The following ATP6V1C1 variants were observed in gnomAD, a reference collection of about 807,000 sequenced individuals.
ATP6V1C1 encodes V-type proton ATPase subunit C 1.
In ATP6V1C1, 45 loss-of-function variants were observed where a neutral mutation model predicts 53.9. The observed-to-expected ratio is 0.83, with a 90% CI of 0.66 to 1.07. The LOEUF is 1.07. ATP6V1C1 is among the 50% of genes least tolerant of loss of function. The probability of loss-of-function intolerance (pLI) is 0.00; values close to 1 mark genes in which losing one functional copy is unlikely to be tolerated. For synonymous variants in ATP6V1C1, 153 were observed against 155.2 expected (o/e 0.99, Z 0.11); for missense variants, 315 against 440.3 (o/e 0.72, Z 2.55).
chr8:103,065,084 C>T (rs1045728251), intron 11 of ATP6V1C1, among the ~76,000 whole-genome samples: 1 of 152,068 alleles, frequency 6.6e-6, no homozygotes, highest in African/African-American at 2.4e-5. Context: ...AAATATTAAC[C>T]AATATTTGTT....
rs1301843460 is a variant in ATP6V1C1, at chr8:103,062,977, A to G, written c.664A>G (p.Ser222Gly). 1.9e-6 allele frequency: 3 copies of G among 1,613,854 alleles called. No individual in the cohort carries two copies. Among genetic ancestry groups the G allele is most frequent in the Non-Finnish European group, 2.5e-6 (3 of 1,179,926 alleles). The change falls in exon 9 of 13, where the codon AGT (serine) becomes GGT (glycine). Residue 222 changes from serine to glycine, a missense_variant. By Grantham distance (56) the Ser-to-Gly change is moderately conservative (BLOSUM62 0). Coordinates refer to ENST00000518738, the MANE Select transcript of ATP6V1C1 (RefSeq NM_001695.5). Reference protein sequence around the residue: ...SSNVLSEDQDSYLCNVTLFRK... With the variant: ...SSNVLSEDQDGYLCNVTLFRK... ...TAGTGTTCTTTCAGAGGACCAAGAC[A>G]GTTACCTGTGTAATGTCACCTTGTT... is the stretch of plus-strand genomic sequence containing the variant.
intron 11 of ATP6V1C1, among the ~76,000 whole-genome samples, chr8:103,065,785 T>G (rs1471353168): frequency 6.6e-6 from 1 of 152,164 alleles, no homozygotes; most frequent in Non-Finnish European, 1.5e-5. Flanking sequence ...GGCTCATGCC[T>G]GTAGTCCCAG....
intron 1 of ATP6V1C1, among the ~76,000 whole-genome samples, chr8:103,022,893 TAA>T (rs1436059760): frequency 6.6e-6 from 1 of 151,676 alleles, no homozygotes; most frequent in Non-Finnish European, 1.5e-5. Context: ...CTACCAAAAA[TAA>T]AAAAATAACT....
rs183322249 is a variant in ATP6V1C1, at chr8:103,054,020, A to G, written c.572+38A>G. ...ATTATAAAAGGTTTTACTTGTTAAA[A>G]TACAAGAAAAATGTTAGTATCTAGT... On this transcript the variant is annotated intron_variant, in intron 7 of 12. Transcript: ENST00000518738. The G allele has an allele frequency of 1.4e-3, 2,101 of 1,506,860 alleles. 3 individuals are homozygous for G. The highest frequency in any genetic ancestry group is 1.5e-3 in the Non-Finnish European group (1,600 of 1,097,844). 93.3% of individuals were successfully genotyped at this position (1,506,860 alleles called of 1,614,324 possible).
chr8:103,051,190 C>A, intron 5 of ATP6V1C1, 46 bp downstream of exon 5: 2 of 1,359,636 alleles, frequency 1.5e-6, no homozygotes, highest in Non-Finnish European at 2.0e-6. Flanking sequence ...TTTGTAGTGG[C>A]TTTGCTTATT....
chr8:103,067,330 G>C (rs1011323058), intron 12 of ATP6V1C1, among the ~76,000 whole-genome samples: 1 of 149,846 alleles, frequency 6.7e-6, no homozygotes, highest in East Asian at 2.0e-4. Context: ...ACCTCGGGGG[G>C]TGGTTGCAGT....
chr8:103,021,629 G>A (rs570979483), intron 1 of ATP6V1C1, among the ~76,000 whole-genome samples: 28 of 150,638 alleles, frequency 1.9e-4, no homozygotes, highest in African/African-American at 6.3e-4. Context: ...GTGTGTGTTG[G>A]GGGGGGCGCG....
intron 10 of ATP6V1C1, 161 bp from the exon 11 acceptor site, chr8:103,064,553 G>A (rs1817456555): frequency 1.8e-6 from 1 of 553,712 alleles, no homozygotes; most frequent in African/African-American, 1.9e-5. Flanking sequence ...TTAAGATAAG[G>A]TATCTGAGAT....
intron 2 of ATP6V1C1, 23 bp from the exon 3 acceptor site, chr8:103,042,317 A>G (rs1817015276): frequency 1.2e-6 from 2 of 1,610,032 alleles, no homozygotes; most frequent in Admixed American, 3.3e-5. Flanking sequence ...TGCCACCTAA[A>G]TAACAATATA....
intron 1 of ATP6V1C1, among the ~76,000 whole-genome samples, chr8:103,032,000 GT>G (rs1289949759): frequency 2.1e-4 from 26 of 124,102 alleles, no homozygotes; most frequent in African/African-American, 7.7e-4. Flanking sequence ...AGCATATATT[GT>G]AAAAAAAAAA....
intron 1 of ATP6V1C1, among the ~76,000 whole-genome samples, chr8:103,033,429 C>T (rs1378541052): frequency 6.6e-6 from 1 of 152,194 alleles, no homozygotes; most frequent in East Asian, 1.9e-4. Flanking sequence ...TTAATCCTCA[C>T]AGTAATTTTT....
chr8:103,041,106 G>C (rs531152342), intron 2 of ATP6V1C1, 138 bp downstream of exon 2: 1 of 1,014,618 alleles, frequency 9.9e-7, no homozygotes, highest in African/African-American at 1.7e-5. Context: ...TTTAAAATGT[G>C]TCTTCTTTGA....
chr8:103,055,088 C>G (rs939093286), intron 7 of ATP6V1C1, among the ~76,000 whole-genome samples: 4 of 152,136 alleles, frequency 2.6e-5, no homozygotes, highest in African/African-American at 9.7e-5. Context: ...GTCTGCTACA[C>G]TGAAACACTG....
chr8:103,045,669 T>A (rs1385247363), intron 3 of ATP6V1C1, among the ~76,000 whole-genome samples: 1 of 152,036 alleles, frequency 6.6e-6, no homozygotes. Context: ...GGGCCGGGCA[T>A]GGTGGCTCAC....
At chr8:103,062,747 G>A (rs1471288980) in intron 8 of ATP6V1C1, among the ~76,000 whole-genome samples, 1 of 152,192 alleles carries the variant, frequency 6.6e-6, no homozygotes, top group Non-Finnish European at 1.5e-5. Flanking sequence ...AGAAATAAAT[G>A]TAGAGTGTTA....
intron 3 of ATP6V1C1, among the ~76,000 whole-genome samples, chr8:103,044,437 C>G (rs1055645237): frequency 6.6e-6 from 1 of 152,096 alleles, no homozygotes; most frequent in Non-Finnish European, 1.5e-5. Flanking sequence ...CAACTTGATT[C>G]TTTTGGATGT....
chr8:103,041,184 T>A (rs567791923), intron 2 of ATP6V1C1, among the ~76,000 whole-genome samples: 2 of 152,236 alleles, frequency 1.3e-5, no homozygotes, highest in African/African-American at 4.8e-5. Flanking sequence ...CTCTTCTAAA[T>A]TGCAATGAAA....
chr8:103,060,667 A>G (rs1198807931), intron 8 of ATP6V1C1, among the ~76,000 whole-genome samples: 1 of 152,222 alleles, frequency 6.6e-6, no homozygotes, highest in Non-Finnish European at 1.5e-5. Flanking sequence ...TATTTTTTAA[A>G]CAGTTTTAAG....
At position 103,062,964 on chromosome 8, in the gene ATP6V1C1, A is replaced by G. The variant is rs145702708; in HGVS notation, c.651A>G (p.Ser217=). The stretch of plus-strand genomic sequence containing the variant: ...TTTTTTTTTTCCATAGTGTTCTTTC[A>G]GAGGACCAAGACAGTTACCTGTGTA... ...MVVPRSSNVL[S]EDQDSYLCNV... is the part of the protein sequence containing the mutation. Residue 217 remains serine (S), a synonymous_variant, in exon 9 of 13, where the codon TCA becomes TCG. Coordinates refer to ENST00000518738, the MANE Select transcript of ATP6V1C1 (RefSeq NM_001695.5). 8.7e-6 allele frequency: 14 copies of G among 1,613,464 alleles called. No homozygotes were observed. In the African/African-American group the frequency reaches 1.7e-4, roughly 20 times the overall value.
Sources: allele counts gnomAD v4.1 joint callset (sites outside exome capture counted in the v4.1 genomes callset), GRCh38; gene constraint gnomAD v4.1.1; transcripts MANE v1.5; gene names NCBI Gene and HGNC (gene_info 2026-07-23, HGNC 2026-07-21).